The following NFYB variants were observed in gnomAD, a reference collection of about 807,000 sequenced individuals.
The protein encoded by NFYB is CAAT box DNA-binding protein subunit B.
A neutral mutation model predicts 28.0 loss-of-function variants in NFYB; 13 were observed. The observed-to-expected ratio is 0.46, with a 90% CI of 0.30 to 0.74. The LOEUF (loss-of-function observed/expected upper bound fraction) is 0.74. Among genes scored for constraint, NFYB ranks in the 30% least tolerant of loss-of-function variants. The pLI is 0.07. For missense variants in NFYB, 142 were observed against 247.6 expected, an observed-to-expected ratio of 0.57 and a Z score of 2.86; for synonymous variants, 74 against 75.0, an observed-to-expected ratio of 0.99 and a Z score of 0.07.
At chr12:104,129,904 G>A (rs2030860494) in intron 2 of NFYB, among the ~76,000 whole-genome samples, 1 of 152,038 alleles carries the variant, frequency 6.6e-6, no homozygotes, top group Non-Finnish European at 1.5e-5. Context: ...GAAGATCTAT[G>A]TATAAAGATA....
intron 5 of NFYB, among the ~76,000 whole-genome samples, chr12:104,122,375 A>G (rs1191677726): frequency 1.3e-5 from 2 of 152,178 alleles, no homozygotes; most frequent in African/African-American, 2.4e-5. Context: ...AGGGAAAAAG[A>G]AAGGACTTTC....
intron 3 of NFYB, among the ~76,000 whole-genome samples, chr12:104,127,775 C>G (rs866233673): frequency 5.4e-5 from 8 of 147,124 alleles, no homozygotes; most frequent in African/African-American, 2.0e-4. Context: ...CTCCCAGATT[C>G]AAGCAATCCT....
At chr12:104,130,132 G>A (rs2030870199) in intron 2 of NFYB, among the ~76,000 whole-genome samples, 1 of 152,170 alleles carries the variant, frequency 6.6e-6, no homozygotes, top group Non-Finnish European at 1.5e-5. Context: ...TAAGATATCT[G>A]TGAGTGAAAA....
rs576123561 is a variant in NFYB at position 104,127,589 on chromosome 12, A to T, written c.100+835T>A. On this transcript the variant is annotated intron_variant, in intron 3 of 7. Coordinates refer to ENST00000240055, the MANE Select transcript of NFYB (RefSeq NM_006166.4). ...TCTCAAAAAAAATAAAAAATAAAAA[A>T]AAAAAAAAAATTTTTTTTACAAACC... 6.0e-4 allele frequency among the ~76,000 whole-genome samples: 89 copies of T among 148,864 alleles called. 2 individuals are homozygous for T. The highest frequency in any genetic ancestry group is 9.0e-4 in the African/African-American group (37 of 41,142).
At chr12:104,136,174 G>C (rs539279092) in intron 1 of NFYB, among the ~76,000 whole-genome samples, 1 of 152,264 alleles carries the variant, frequency 6.6e-6, no homozygotes, top group Admixed American at 6.5e-5. Context: ...CATCGAAATA[G>C]CACTTCAGTC....
intron 5 of NFYB, among the ~76,000 whole-genome samples, chr12:104,122,666 T>C (rs1480775303): frequency 6.6e-6 from 1 of 152,202 alleles, no homozygotes; most frequent in African/African-American, 2.4e-5. Flanking sequence ...AGTTTCATCC[T>C]GAAGCCATCT....
intron 1 of NFYB, among the ~76,000 whole-genome samples, chr12:104,136,131 A>C (rs1003142629): frequency 3.3e-5 from 5 of 152,350 alleles, no homozygotes; most frequent in Admixed American, 3.3e-4. Flanking sequence ...CTTATTTATA[A>C]TTTTGAAGCA....
intron 5 of NFYB, 123 bp from the exon 6 acceptor site, chr12:104,121,444 T>G: frequency 1.3e-6 from 1 of 759,004 alleles, no homozygotes; most frequent in Non-Finnish European, 2.2e-6. Flanking sequence ...GAGTATTTAT[T>G]AACACTTCTG....
chr12:104,128,749 A>C, intron 2 of NFYB: 1 of 209,334 alleles, frequency 4.8e-6, no homozygotes, highest in Non-Finnish European at 9.6e-6. Flanking sequence ...TCACTGCAGA[A>C]TCCACCTCCC....
intron 3 of NFYB, among the ~76,000 whole-genome samples, chr12:104,126,585 T>C (rs1479797993): frequency 6.6e-6 from 1 of 152,218 alleles, no homozygotes; most frequent in East Asian, 1.9e-4. Context: ...CCTTTTCTCT[T>C]ACACATTTTT....
At chr12:104,125,564 T>C (rs185751735) in intron 4 of NFYB, among the ~76,000 whole-genome samples, 15 of 151,404 alleles carry the variant, frequency 9.9e-5, no homozygotes, top group African/African-American at 3.4e-4. Flanking sequence ...TTTAAAACAG[T>C]CGGGCCAGGC....
intron 2 of NFYB, among the ~76,000 whole-genome samples, chr12:104,133,185 C>T (rs950628588): frequency 1.3e-5 from 2 of 152,166 alleles, no homozygotes; most frequent in South Asian, 4.1e-4. Flanking sequence ...GTTCACAAGC[C>T]TGTGACGCAG....
chr12:104,131,762 T>C, intron 2 of NFYB: 1 of 456,090 alleles, frequency 2.2e-6, no homozygotes. Flanking sequence ...ACCAGGTTCA[T>C]GCTATGTGCT....
At chr12:104,131,334 A>T (rs1454510500) in intron 2 of NFYB, 2 of 160,314 alleles carry the variant, frequency 1.2e-5, no homozygotes, top group Non-Finnish European at 2.7e-5. Context: ...GCCGCACATC[A>T]TCTGCTTAAC....
rs1267394408 is a variant in NFYB, at chr12:104,138,164, C to G, written c.-103G>C. The G allele has an allele frequency of 6.7e-6, 1 of 148,616 alleles. No individual in the cohort carries two copies. The highest frequency in any genetic ancestry group is 2.4e-5 in the African/African-American group (1 of 41,118). The allele number at this position is 148,616 out of a possible 1,614,324, so 9.2% of individuals were successfully genotyped here. On this transcript the variant is annotated 5_prime_UTR_variant, in exon 1 of 8. Transcript: ENST00000240055. The stretch of plus-strand genomic sequence containing the variant: ...ACCTCCAATGCAGCCCTGGTTGGCT[C>G]CCGTCTCCAATCGGCTGTTTGGTTG...
chr12:104,122,421 AC>A (rs544147512), intron 5 of NFYB, among the ~76,000 whole-genome samples: 7 of 152,270 alleles, frequency 4.6e-5, no homozygotes, highest in African/African-American at 1.2e-4. Context: ...GTGATCCCCA[AC>A]CCCCAGGCTG....
intron 4 of NFYB, 95 bp downstream of exon 4, chr12:104,126,019 T>C (rs950426016): frequency 3.9e-6 from 5 of 1,280,854 alleles, no homozygotes; most frequent in Middle Eastern, 2.8e-4. Flanking sequence ...GCCTGAATGA[T>C]TGAAATCAAC....
chr12:104,120,566 A>T (rs1464291982), intron 6 of NFYB, 87 bp from the exon 7 acceptor site: 1 of 867,658 alleles, frequency 1.2e-6, no homozygotes, highest in Non-Finnish European at 1.9e-6. Flanking sequence ...TTAATGTCTC[A>T]TTACAATTCT....
At chr12:104,127,153 T>G (rs908782352) in intron 3 of NFYB, among the ~76,000 whole-genome samples, 70 of 152,366 alleles carry the variant, frequency 4.6e-4, no homozygotes, top group African/African-American at 1.6e-3. Context: ...CTTAAGTTGA[T>G]TCAATTTACG....
Sources: gnomAD v4.1 joint callset for allele counts (sites outside exome capture counted in the v4.1 genomes callset) on GRCh38, gnomAD v4.1.1 for gene constraint, MANE v1.5 for transcripts, NCBI Gene and HGNC (gene_info 2026-07-23, HGNC 2026-07-21) for gene names.